ANGEL2: variants seen among roughly 807,000 people sequenced by gnomAD.
ANGEL2 encodes the protein RNA 2',3'-cyclic phosphatase ANGEL2.
Under a neutral mutation model 66.0 loss-of-function variants are expected in ANGEL2, and 41 were observed. The ratio of observed to expected loss-of-function variants is 0.62; its 90% CI spans 0.48 to 0.81. ANGEL2 has a LOEUF of 0.81. Among genes scored for constraint, ANGEL2 ranks in the 30% least tolerant of loss-of-function variants. The pLI is 0.00. For synonymous variants in ANGEL2, 208 were observed against 226.5 expected, an observed-to-expected ratio of 0.92 and a Z score of 0.73; for missense variants, 561 against 641.6, an observed-to-expected ratio of 0.87 and a Z score of 1.36.
At chr1:213,007,802 G>T (rs765896286) in intron 3 of ANGEL2, among the ~76,000 whole-genome samples, 31 of 151,452 alleles carry the variant, frequency 2.0e-4, no homozygotes, top group Non-Finnish European at 7.4e-5. Flanking sequence ...CAAACAAAAT[G>T]GATAAAACCA....
rs368046035 is a variant in ANGEL2 at position 213,014,987 on chromosome 1, C to T, written c.59+626G>A. ...CAAATCCAAGACTCTGCAGACACTG[C>T]TTAGGGTGAAGCTAATGTGGGCAGC... On this transcript the variant is annotated intron_variant, in intron 1 of 8. Transcript: ENST00000366962. 7.9e-5 allele frequency among the ~76,000 whole-genome samples: 12 copies of T among 152,252 alleles called. No individual in the cohort carries two copies. The South Asian group carries it at 2.5e-3, about 32-fold the overall frequency.
chr1:213,002,904 C>T (rs1006502620), intron 5 of ANGEL2, among the ~76,000 whole-genome samples: 5 of 144,422 alleles, frequency 3.5e-5, no homozygotes, highest in Non-Finnish European at 6.0e-5. Context: ...GGCAACAGCG[C>T]GAGATCCTGT....
intron 1 of ANGEL2, chr1:213,015,279 G>C (rs1299184917): frequency 8.5e-7 from 1 of 1,178,756 alleles, no homozygotes; most frequent in Non-Finnish European, 1.1e-6. Context: ...GTGCTGCGGA[G>C]TGTGTGGAGC....
intron 5 of ANGEL2, among the ~76,000 whole-genome samples, chr1:213,004,309 C>T (rs1325023454): frequency 6.6e-6 from 1 of 151,968 alleles, no homozygotes; most frequent in Non-Finnish European, 1.5e-5. Context: ...GAGAGGAAAG[C>T]ACAATAAAAA....
chr1:213,011,804 G>A (rs2076516710), intron 2 of ANGEL2, among the ~76,000 whole-genome samples: 1 of 152,116 alleles, frequency 6.6e-6, no homozygotes, highest in Non-Finnish European at 1.5e-5. Context: ...ATTTCTAAGA[G>A]GCTAAACAAG....
At chr1:213,004,866 A>C (rs967955276) in intron 5 of ANGEL2, among the ~76,000 whole-genome samples, 167 bp downstream of exon 5, 4 of 50,930 alleles carry the variant, frequency 7.9e-5, no homozygotes, top group African/African-American at 1.2e-4. Flanking sequence ...AGACTGTCTC[A>C]AAAAAAAAAA....
At chr1:213,012,885 TTA>T (rs2076543534) in intron 2 of ANGEL2, among the ~76,000 whole-genome samples, 1 of 152,210 alleles carries the variant, frequency 6.6e-6, no homozygotes, top group Non-Finnish European at 1.5e-5. Context: ...ATTTCTATTT[TTA>T]TAGTCAGAAA....
At chr1:213,015,514 A>ATCC in intron 1 of ANGEL2, 99 bp downstream of exon 1, 1 of 1,407,642 alleles carries the variant, frequency 7.1e-7, no homozygotes, top group Non-Finnish European at 9.4e-7. Flanking sequence ...TTCCACCCCT[A>ATCC]GCCCGCCCCG....
rs1027781723 is a variant in ANGEL2 at position 213,015,031 on chromosome 1, T to A, written c.59+582A>T. The A allele has an allele frequency of 1.9e-5, 16 of 842,650 alleles. No homozygotes were observed. The South Asian group carries it at 2.2e-4, about 11-fold the overall frequency. The allele number at this position is 842,650 out of a possible 1,614,324, so 52.2% of individuals were successfully genotyped here. On this transcript the variant is annotated intron_variant, in intron 1 of 8. Coordinates refer to ENST00000366962, the MANE Select transcript of ANGEL2 (RefSeq NM_144567.5). ...GGGCAGCACCTACTGAAGTGCTTTT[T>A]AAAAAAAACTGAGTCAATTTAAAGA... is the stretch of plus-strand genomic sequence containing the variant.
intron 5 of ANGEL2, among the ~76,000 whole-genome samples, chr1:213,003,073 C>G (rs1488163478): frequency 1.3e-5 from 2 of 152,102 alleles, no homozygotes; most frequent in African/African-American, 4.8e-5. Context: ...TTCTTTAAAC[C>G]TCATAAATTA....
chr1:213,005,162 A>G lies in ANGEL2; in HGVS notation c.1005T>C (p.Val335=). ...AGAAGCTGCCATCTTTCTGGTGGGC[A>G]ACACTGGAAATCTCTGCCAGTAGCA... ...LAMLLAEISS[V]AHQKDGSFCP... is the part of the protein sequence containing the mutation. The change falls in exon 5 of 9, where the codon GTT becomes GTC. Residue 335 remains valine, a synonymous_variant. Transcript: ENST00000366962. 2 of 1,614,252 alleles carry G rather than the reference A, an allele frequency of 1.2e-6. No individual in the cohort carries two copies. Among genetic ancestry groups the G allele is most frequent in the Non-Finnish European group, 1.7e-6 (2 of 1,180,036 alleles).
chr1:213,014,679 GA>G (rs2076593078), intron 1 of ANGEL2, among the ~76,000 whole-genome samples: 1 of 152,182 alleles, frequency 6.6e-6, no homozygotes, highest in Non-Finnish European at 1.5e-5. Context: ...GGCCAGAACA[GA>G]ACCGTCTTAT....
chr1:213,003,800 CTA>C (rs2076244089), intron 5 of ANGEL2, among the ~76,000 whole-genome samples: 2 of 152,172 alleles, frequency 1.3e-5, no homozygotes, highest in African/African-American at 4.8e-5. Context: ...GGTAGAGTTG[CTA>C]TGAAACTTCA....
chr1:213,004,696 C>T (rs978118201), intron 5 of ANGEL2, among the ~76,000 whole-genome samples: 14 of 151,738 alleles, frequency 9.2e-5, no homozygotes, highest in African/African-American at 1.9e-4. Flanking sequence ...GCTGAAACCC[C>T]GTCTCTACTA....
At chr1:213,003,044 TG>T (rs2076221744) in intron 5 of ANGEL2, among the ~76,000 whole-genome samples, 1 of 152,218 alleles carries the variant, frequency 6.6e-6, no homozygotes, top group African/African-American at 2.4e-5. Context: ...TGTACTTTTA[TG>T]TTATGGAGAT....
At chr1:213,006,936 A>G (rs1300835895) in intron 4 of ANGEL2, 193 bp downstream of exon 4, 2 of 438,168 alleles carry the variant, frequency 4.6e-6, no homozygotes, top group Non-Finnish European at 8.0e-6. Flanking sequence ...TATAAAAAAA[A>G]TTAAATAATT....
intron 2 of ANGEL2, among the ~76,000 whole-genome samples, chr1:213,011,733 G>C (rs557225651): frequency 2.4e-3 from 360 of 152,260 alleles, no homozygotes; most frequent in African/African-American, 8.4e-3. Context: ...AGAAAGCAGG[G>C]AGTGGTTCCT....
intron 7 of ANGEL2, among the ~76,000 whole-genome samples, chr1:212,998,769 G>A (rs1038347169): frequency 2.4e-3 from 370 of 151,520 alleles, no homozygotes; most frequent in African/African-American, 8.0e-3. Context: ...CTCATGATCC[G>A]CCCGCCTCAG....
chr1:212,999,901 C>T (rs756184239), intron 7 of ANGEL2, among the ~76,000 whole-genome samples: 17 of 152,134 alleles, frequency 1.1e-4, no homozygotes, highest in Non-Finnish European at 2.9e-5. Context: ...AACTAAAGAT[C>T]CTTTTGAGAT....
Sources: gnomAD v4.1 joint callset for allele counts (sites outside exome capture counted in the v4.1 genomes callset) on GRCh38, gnomAD v4.1.1 for gene constraint, MANE v1.5 for transcripts, NCBI Gene and HGNC (gene_info 2026-07-23, HGNC 2026-07-21) for gene names.